DCC: variants seen among roughly 807,000 people sequenced by gnomAD.
DCC encodes the protein netrin receptor DCC.
A neutral mutation model predicts 172.5 loss-of-function variants in DCC; 58 were observed. The ratio of observed to expected loss-of-function variants is 0.34; its 90% CI spans 0.27 to 0.42. DCC has a LOEUF of 0.42. DCC is among the 10% of genes least tolerant of loss of function. The pLI is 1.00. For missense variants in DCC, 1,740 were observed against 1,791.0 expected (o/e 0.97, Z 0.51); for synonymous variants, 709 against 644.5 (o/e 1.10, Z -1.52).
At chr18:52,834,546 G>A (rs182199355) in intron 2 of DCC, among the ~76,000 whole-genome samples, 20 of 152,228 alleles carry the variant, frequency 1.3e-4, no homozygotes, top group African/African-American at 3.4e-4. Context: ...TGGTGAGCTC[G>A]TCTGGGGTGT....
chr18:52,906,514 T>A (rs1402040721), intron 3 of DCC, among the ~76,000 whole-genome samples, 186 bp downstream of exon 3: 1 of 152,110 alleles, frequency 6.6e-6, no homozygotes, highest in Non-Finnish European at 1.5e-5. Context: ...TTCTTTTTTT[T>A]TTTTTTCATG....
intron 24 of DCC, among the ~76,000 whole-genome samples, chr18:53,464,572 C>G (rs887139131): frequency 1.3e-5 from 2 of 151,722 alleles, no homozygotes; most frequent in Non-Finnish European, 2.9e-5. Flanking sequence ...AGGAAAAAAT[C>G]TTGTTTAACT....
At chr18:53,166,412 A>C (rs1025837572) in intron 8 of DCC, among the ~76,000 whole-genome samples, 1 of 152,182 alleles carries the variant, frequency 6.6e-6, no homozygotes, top group African/African-American at 2.4e-5. Context: ...GGAATGTGTC[A>C]GCATGTGGAT....
At chr18:53,393,244 C>A (rs1464487906) in intron 17 of DCC, among the ~76,000 whole-genome samples, 2 of 152,196 alleles carry the variant, frequency 1.3e-5, no homozygotes, top group Admixed American at 6.5e-5. Flanking sequence ...CATGCTGGAT[C>A]TTCCTGTGGT....
At chr18:52,803,517 G>A (rs2038031852) in intron 2 of DCC, among the ~76,000 whole-genome samples, 1 of 151,934 alleles carries the variant, frequency 6.6e-6, no homozygotes, top group Admixed American at 6.6e-5. Flanking sequence ...TTTTATACTA[G>A]ATTTGTGTAT....
At chr18:53,396,302 C>T (rs146482889) in intron 17 of DCC, among the ~76,000 whole-genome samples, 1 of 152,160 alleles carries the variant, frequency 6.6e-6, no homozygotes, top group East Asian at 1.9e-4. Flanking sequence ...AGGAATAGTC[C>T]CATTTTTTTT....
At chr18:53,300,962 A>ATTTCTTTCT (rs2057128362) in intron 12 of DCC, among the ~76,000 whole-genome samples, 1 of 120,194 alleles carries the variant, frequency 8.3e-6, no homozygotes, top group Non-Finnish European at 1.9e-5. Flanking sequence ...TTCTGGATTC[A>ATTTCTTTCT]TTCTTTCTTT....
intron 3 of DCC, among the ~76,000 whole-genome samples, chr18:52,912,394 T>C (rs566261334): frequency 6.6e-6 from 1 of 152,158 alleles, no homozygotes; most frequent in Non-Finnish European, 1.5e-5. Flanking sequence ...GGTAATAAAT[T>C]ACCTGATTTT....
At position 52,376,912 on chromosome 18, in the gene DCC, G is replaced by A. The variant is rs115501160; in HGVS notation, c.91+36034G>A. Among the ~76,000 whole-genome samples the A allele has an allele frequency of 7.9e-3, 1,199 of 152,276 alleles. 19 individuals carry two copies. The highest frequency in any genetic ancestry group is 0.028 in the African/African-American group (1,144 of 41,558). On this transcript the variant is annotated intron_variant, in intron 1 of 28. Coordinates refer to ENST00000442544, the MANE Select transcript of DCC (RefSeq NM_005215.4). The stretch of plus-strand genomic sequence containing the variant: ...GTAATGTGGTTAACACGAAGTCAAT[G>A]CAAAGCCATCAAAACCGTGCCTGGA...
At chr18:52,529,781 T>C (rs1053515478) in intron 1 of DCC, among the ~76,000 whole-genome samples, 1 of 152,220 alleles carries the variant, frequency 6.6e-6, no homozygotes, top group East Asian at 1.9e-4. Context: ...CGCCTCGAGC[T>C]GTCTTCTTAT....
At chr18:53,219,095 T>C (rs903722893) in intron 12 of DCC, among the ~76,000 whole-genome samples, 4 of 152,206 alleles carry the variant, frequency 2.6e-5, no homozygotes, top group Non-Finnish European at 5.9e-5. Flanking sequence ...GTACCTGTTT[T>C]AATGTCATAC....
At chr18:53,261,354 G>C (rs151115089) in intron 12 of DCC, among the ~76,000 whole-genome samples, 130 of 152,272 alleles carry the variant, frequency 8.5e-4, no homozygotes, top group African/African-American at 3.0e-3. Context: ...CCACACCCTC[G>C]TGAGGACGTT....
chr18:53,003,266 C>T (rs879172399), intron 5 of DCC, among the ~76,000 whole-genome samples: 8 of 152,200 alleles, frequency 5.3e-5, no homozygotes, highest in Admixed American at 5.2e-4. Context: ...AATTAAATAA[C>T]GGATTATTGA....
chr18:53,427,704 T>C (rs1911069952), intron 21 of DCC, among the ~76,000 whole-genome samples: 1 of 147,138 alleles, frequency 6.8e-6, no homozygotes, highest in Admixed American at 7.1e-5. Context: ...CCCTAATATT[T>C]GCCTTTTCAG....
chr18:52,680,102 AACATTTTCTGGGTGCCCAT>A (rs1047799114), intron 1 of DCC, among the ~76,000 whole-genome samples: 2 of 152,142 alleles, frequency 1.3e-5, no homozygotes, highest in Admixed American at 6.6e-5. Context: ...TCATTCATAA[AACATTTTCTGGGTGCCCAT>A]TGGGTTCTTG....
At chr18:53,426,243 TTA>T (rs1910930396) in intron 21 of DCC, among the ~76,000 whole-genome samples, 1 of 145,790 alleles carries the variant, frequency 6.9e-6, no homozygotes, top group Non-Finnish European at 1.5e-5. Context: ...GTCTGTGTAT[TTA>T]TATATTTATA....
chr18:52,862,557 G>T (rs1245854162), intron 2 of DCC, among the ~76,000 whole-genome samples: 7 of 151,992 alleles, frequency 4.6e-5, no homozygotes, highest in Admixed American at 3.3e-4. Flanking sequence ...AATTAGCCGG[G>T]CATGGTGGCA....
intron 12 of DCC, among the ~76,000 whole-genome samples, chr18:53,223,405 C>T (rs1450188806): frequency 6.6e-6 from 1 of 152,070 alleles, no homozygotes; most frequent in African/African-American, 2.4e-5. Flanking sequence ...TATACTTCAT[C>T]ACACACATTT....
chr18:53,309,134 C>T (rs2057235556), intron 13 of DCC, among the ~76,000 whole-genome samples: 1 of 152,048 alleles, frequency 6.6e-6, no homozygotes, highest in Non-Finnish European at 1.5e-5. Flanking sequence ...ACCTTCGGGA[C>T]TCAAGTGATC....
Sources: gnomAD v4.1 joint callset for allele counts (sites outside exome capture counted in the v4.1 genomes callset) on GRCh38, gnomAD v4.1.1 for gene constraint, MANE v1.5 for transcripts, NCBI Gene and HGNC (gene_info 2026-07-23, HGNC 2026-07-21) for gene names.